Variants in MTG2 observed in about 807,000 individuals in gnomAD.
MTG2 encodes the protein mitochondrial ribosome-associated GTPase 2.
Under a neutral mutation model 28.6 loss-of-function variants are expected in MTG2, and 23 were observed. The observed-to-expected ratio is 0.80, with a 90% CI of 0.58 to 1.14. MTG2 has a LOEUF of 1.14. Ranked by LOEUF, MTG2 falls within the 50% of genes most tolerant of loss-of-function variation. MTG2 has a pLI of 0.00. For synonymous variants in MTG2, 260 were observed against 251.8 expected, an observed-to-expected ratio of 1.03 and a Z score of -0.31; for missense variants, 539 against 552.0, an observed-to-expected ratio of 0.98 and a Z score of 0.24.
Position 62,201,151 on chromosome 20 carries a change from A to T in MTG2, c.*74A>T. 6.8e-7 allele frequency: 1 copy of T among 1,461,434 alleles called. No homozygotes were observed. The highest frequency in any genetic ancestry group is 9.0e-7 in the Non-Finnish European group (1 of 1,107,998). 90.5% of individuals were successfully genotyped at this position (1,461,434 alleles called of 1,614,324 possible). A position where few individuals can be genotyped will look rare whatever the true frequency, so the allele number is the denominator to read the frequency against. On this transcript the variant is annotated 3_prime_UTR_variant, in exon 7 of 7. Transcript: ENST00000370823. Reference sequence around the variant, plus strand: ...GTGTGAATTCGGTGGTTTTGAATGCATAAAGTGCCTTGTGGACACGGGGGA... The same window carrying T: ...GTGTGAATTCGGTGGTTTTGAATGCTTAAAGTGCCTTGTGGACACGGGGGA...
In MTG2 at chr20:62,193,412, G is replaced by T; in HGVS notation, c.-5-4G>T. ...ATCTCATTTTGCCAATTTGACTTCT[G>T]TAGGGGCCATGGCACCTGCAAGGTG... On this transcript the variant is annotated splice_polypyrimidine_tract_variant and splice_region_variant and intron_variant, in intron 1 of 6. Coordinates refer to ENST00000370823, the MANE Select transcript of MTG2 (RefSeq NM_015666.4). 1 of 1,614,076 alleles carries T rather than the reference G, an allele frequency of 6.2e-7. No homozygotes were observed. The highest frequency in any genetic ancestry group is 8.5e-7 in the Non-Finnish European group (1 of 1,179,936).
intron 1 of MTG2, among the ~76,000 whole-genome samples, chr20:62,186,982 A>G (rs949581419): frequency 6.6e-6 from 1 of 152,220 alleles, no homozygotes; most frequent in African/African-American, 2.4e-5. Context: ...CTTGGGAGGT[A>G]ACCATTCAGT....
At chr20:62,189,151 A>T in intron 1 of MTG2, among the ~76,000 whole-genome samples, 1 of 152,104 alleles carries the variant, frequency 6.6e-6, no homozygotes, top group East Asian at 1.9e-4. Context: ...TGCAAAAAAA[A>T]TTTAAAAATT....
At chr20:62,189,760 G>A (rs952355755) in intron 1 of MTG2, among the ~76,000 whole-genome samples, 4 of 142,786 alleles carry the variant, frequency 2.8e-5, no homozygotes, top group Non-Finnish European at 6.0e-5. Flanking sequence ...CCGCCTCCCC[G>A]TTCAAGCAAT....
chr20:62,187,892 T>C (rs1170278203), intron 1 of MTG2, among the ~76,000 whole-genome samples: 2 of 152,204 alleles, frequency 1.3e-5, no homozygotes, highest in Non-Finnish European at 2.9e-5. Context: ...AGCCTTAGGT[T>C]ACTGATTTTA....
At chr20:62,194,860 T>C (rs988381383) in intron 2 of MTG2, among the ~76,000 whole-genome samples, 6 of 152,134 alleles carry the variant, frequency 3.9e-5, no homozygotes, top group African/African-American at 1.4e-4. Flanking sequence ...CCTGGTTGGT[T>C]CTCTCTCTTC....
Position 62,199,084 on chromosome 20 carries a change from G to T in MTG2, c.688-35G>T, listed in dbSNP as rs115623612. 1,702 of 1,611,908 alleles carry T rather than the reference G, an allele frequency of 1.1e-3. 11 individuals are homozygous for T. In the African/African-American group the frequency reaches 0.02, roughly 18 times the overall value. The stretch of plus-strand genomic sequence containing the variant: ...ACTCTGCGCTAACAAAGGTGCTGCC[G>T]CGGGCCGTGCCACCGTCTTCCCTCT... On this transcript the variant is annotated intron_variant, in intron 5 of 6. Transcript: ENST00000370823.
At chr20:62,199,383 C>T in intron 6 of MTG2, 126 bp downstream of exon 6, 1 of 1,213,242 alleles carries the variant, frequency 8.2e-7, no homozygotes, top group Non-Finnish European at 1.1e-6. Context: ...TGGTGGCTCA[C>T]ACCTGTAACC....
At chr20:62,190,326 G>A (rs956688713) in intron 1 of MTG2, among the ~76,000 whole-genome samples, 1 of 152,158 alleles carries the variant, frequency 6.6e-6, no homozygotes, top group Non-Finnish European at 1.5e-5. Context: ...AGCCAACTAC[G>A]CAGTATTTTT....
intron 2 of MTG2, among the ~76,000 whole-genome samples, chr20:62,194,378 A>G (rs1310410641): frequency 6.6e-6 from 1 of 152,234 alleles, no homozygotes; most frequent in African/African-American, 2.4e-5. Context: ...GCGTTAGCAC[A>G]GGCTTGTCTC....
intron 1 of MTG2, among the ~76,000 whole-genome samples, chr20:62,186,689 TG>T (rs1352405226): frequency 1.3e-5 from 2 of 151,960 alleles, no homozygotes; most frequent in Non-Finnish European, 2.9e-5. Flanking sequence ...CCACCACGCC[TG>T]GCTAATTTTT....
Position 62,201,823 on chromosome 20 carries a change from C to A in MTG2, c.*746C>A. On this transcript the variant is annotated 3_prime_UTR_variant, in exon 7 of 7. Coordinates refer to ENST00000370823, the MANE Select transcript of MTG2 (RefSeq NM_015666.4). ...ATCCGACCTGGCTGCGTGTTTCTGG[C>A]TGGGCTGCCGTGTGCACAGCAAGTT... The A allele has an allele frequency of 6.6e-6, 1 of 152,446 alleles. No individual in the cohort carries two copies. The allele number at this position is 152,446 out of a possible 1,614,324, so 9.4% of individuals were successfully genotyped here.
At chr20:62,195,985 G>T in intron 3 of MTG2, 36 bp downstream of exon 3, 5 of 1,610,120 alleles carry the variant, frequency 3.1e-6, no homozygotes, top group Non-Finnish European at 4.2e-6. Context: ...GGGTTGAGGA[G>T]GGGCCCCGAG....
chr20:62,196,171 T>G (rs1365085871), intron 3 of MTG2, among the ~76,000 whole-genome samples: 26 of 151,456 alleles, frequency 1.7e-4, no homozygotes, highest in Non-Finnish European at 3.2e-4. Flanking sequence ...TTTTTTGTTT[T>G]TTTTTTTTTG....
At chr20:62,192,746 CCT>C (rs1356686857) in intron 1 of MTG2, among the ~76,000 whole-genome samples, 1 of 152,150 alleles carries the variant, frequency 6.6e-6, no homozygotes, top group Non-Finnish European at 1.5e-5. Context: ...CCCTATCGCC[CCT>C]GTCACTCAGG....
chr20:62,189,539 A>G (rs1426884397), intron 1 of MTG2, among the ~76,000 whole-genome samples: 1 of 151,854 alleles, frequency 6.6e-6, no homozygotes, highest in African/African-American at 2.4e-5. Flanking sequence ...TCATGGCTTC[A>G]AGAGATCTTC....
intron 2 of MTG2, among the ~76,000 whole-genome samples, chr20:62,194,919 G>C (rs551048089): frequency 6.6e-6 from 1 of 152,336 alleles, no homozygotes; most frequent in African/African-American, 2.4e-5. Context: ...TTTCCTAGCC[G>C]GGCACAGTGG....
At chr20:62,197,778 T>A (rs756734787) in intron 3 of MTG2, 74 bp from the exon 4 acceptor site, 1 of 1,308,466 alleles carries the variant, frequency 7.6e-7, no homozygotes, top group East Asian at 2.3e-5. Flanking sequence ...GTTCTTAAAC[T>A]GGACCCAGAC....
chr20:62,193,424 G>A lies in MTG2; in HGVS notation c.4G>A (p.Ala2Thr), dbSNP rs774483800. The change falls in exon 2 of 7, where the codon GCA becomes ACA. Residue 2 changes from alanine (A) to threonine (T), a missense_variant. Transcript: ENST00000370823. M[A>T]PARCFSARLR... Reference sequence around the variant, plus strand: ...CAATTTGACTTCTGTAGGGGCCATGGCACCTGCAAGGTGTTTCTCAGCAAG... The same window carrying A: ...CAATTTGACTTCTGTAGGGGCCATGACACCTGCAAGGTGTTTCTCAGCAAG... 5.6e-6 allele frequency: 9 copies of A among 1,614,156 alleles called. No homozygotes were observed. In the East Asian group the frequency reaches 1.8e-4, roughly 32 times the overall value.
Sources: allele counts gnomAD v4.1 joint callset (sites outside exome capture counted in the v4.1 genomes callset), GRCh38; gene constraint gnomAD v4.1.1; transcripts MANE v1.5; gene names NCBI Gene and HGNC (gene_info 2026-07-23, HGNC 2026-07-21).